The following SPACA7 variants were observed in gnomAD, a reference collection of about 807,000 sequenced individuals.
The protein encoded by SPACA7 is sperm acrosome associated 7.
In SPACA7, 19 loss-of-function variants were observed where a neutral mutation model predicts 26.3. That is an observed-to-expected ratio of 0.72 (90% CI 0.50 to 1.06). The LOEUF (loss-of-function observed/expected upper bound fraction) is 1.06, where lower values mean the gene tolerates loss of function less well. Among genes scored for constraint, SPACA7 ranks in the 50% least tolerant of loss-of-function variants. The pLI, the probability that SPACA7 is intolerant of heterozygous loss-of-function variation, is 0.00. For synonymous variants in SPACA7, 84 were observed against 84.5 expected (o/e 0.99, Z 0.04); for missense variants, 211 against 229.9 (o/e 0.92, Z 0.53).
intron 5 of SPACA7, among the ~76,000 whole-genome samples, chr13:112,431,614 G>A (rs924677103): frequency 2.0e-5 from 3 of 152,208 alleles, no homozygotes; most frequent in Non-Finnish European, 4.4e-5. Flanking sequence ...TGAGGGGTCA[G>A]GCCAGTCAAC....
intron 1 of SPACA7, among the ~76,000 whole-genome samples, chr13:112,377,073 A>G (rs144748679): frequency 1.3e-5 from 2 of 152,288 alleles, no homozygotes; most frequent in East Asian, 3.9e-4. Context: ...AGTGGGCTCA[A>G]CTCCAAATAC....
chr13:112,382,750 G>A (rs1884162422), intron 1 of SPACA7, among the ~76,000 whole-genome samples: 1 of 152,060 alleles, frequency 6.6e-6, no homozygotes, highest in Non-Finnish European at 1.5e-5. Flanking sequence ...CACTTTTGGA[G>A]ACTGAGGCAG....
chr13:112,402,565 G>A (rs1885716791), intron 5 of SPACA7, among the ~76,000 whole-genome samples: 1 of 152,192 alleles, frequency 6.6e-6, no homozygotes, highest in Non-Finnish European at 1.5e-5. Context: ...CCAGGATAAT[G>A]TTTAATAGTA....
intron 5 of SPACA7, among the ~76,000 whole-genome samples, chr13:112,426,280 G>A (rs1220781911): frequency 6.6e-6 from 1 of 152,188 alleles, no homozygotes; most frequent in East Asian, 1.9e-4. Context: ...GTTGATGTAA[G>A]ACCTGTTCTT....
At chr13:112,383,776 A>C (rs370930641) in intron 1 of SPACA7, among the ~76,000 whole-genome samples, 3 of 152,252 alleles carry the variant, frequency 2.0e-5, no homozygotes, top group East Asian at 3.8e-4. Context: ...TTTATAAGTT[A>C]ACTTTGATTC....
At chr13:112,386,831 A>C (rs1884559188) in intron 1 of SPACA7, among the ~76,000 whole-genome samples, 1 of 152,240 alleles carries the variant, frequency 6.6e-6, no homozygotes, top group Non-Finnish European at 1.5e-5. Context: ...CCAAGTGGCT[A>C]ATATTTTTAG....
intron 5 of SPACA7, among the ~76,000 whole-genome samples, chr13:112,415,990 C>T (rs1886666919): frequency 6.6e-6 from 1 of 152,006 alleles, no homozygotes; most frequent in African/African-American, 2.4e-5. Context: ...AGGTCCCACA[C>T]TCACTTCCCT....
chr13:112,404,111 GCCAC>G (rs1885823313), intron 5 of SPACA7, among the ~76,000 whole-genome samples: 1 of 152,026 alleles, frequency 6.6e-6, no homozygotes, highest in Non-Finnish European at 1.5e-5. Flanking sequence ...TTTGATTATG[GCCAC>G]TCTTGCAGGA....
intron 6 of SPACA7, among the ~76,000 whole-genome samples, chr13:112,432,895 C>T (rs1343978814): frequency 6.6e-6 from 1 of 152,206 alleles, no homozygotes; most frequent in Non-Finnish European, 1.5e-5. Context: ...GAAGGGCCCC[C>T]ACATCCCCTT....
chr13:112,377,160 T>C (rs1201326135), intron 1 of SPACA7, among the ~76,000 whole-genome samples: 1 of 152,178 alleles, frequency 6.6e-6, no homozygotes, highest in African/African-American at 2.4e-5. Context: ...GAGAATTCTT[T>C]GCTAAACTGA....
At chr13:112,419,422 A>C (rs1332181878) in intron 5 of SPACA7, among the ~76,000 whole-genome samples, 1 of 152,192 alleles carries the variant, frequency 6.6e-6, no homozygotes, top group Non-Finnish European at 1.5e-5. Flanking sequence ...GCATGTAGGG[A>C]ATGATCACCC....
At chr13:112,398,404 G>A (rs951155937) in intron 3 of SPACA7, among the ~76,000 whole-genome samples, 2 of 151,816 alleles carry the variant, frequency 1.3e-5, no homozygotes, top group Non-Finnish European at 2.9e-5. Context: ...TCTCGCCCTC[G>A]GGAGCCACTG....
intron 4 of SPACA7, among the ~76,000 whole-genome samples, chr13:112,400,823 G>A (rs911635259): frequency 1.3e-5 from 2 of 152,230 alleles, no homozygotes; most frequent in Non-Finnish European, 2.9e-5. Flanking sequence ...ATTATCTCCA[G>A]GGTCAATTCT....
chr13:112,382,995 A>C (rs1189064478), intron 1 of SPACA7, among the ~76,000 whole-genome samples: 4 of 150,960 alleles, frequency 2.6e-5, no homozygotes, highest in Admixed American at 6.6e-5. Flanking sequence ...GTCTAAAAAG[A>C]GAGAGAGAGA....
chr13:112,383,194 AAAAG>A (rs1313399501), intron 1 of SPACA7, among the ~76,000 whole-genome samples: 18 of 136,904 alleles, frequency 1.3e-4, no homozygotes, highest in African/African-American at 3.3e-4. Context: ...AGAAAGAAAG[AAAAG>A]AAAGAAAGAA....
rs535053596 is a variant in SPACA7, at chr13:112,392,092, G to A, written c.95-929G>A. On this transcript the variant is annotated intron_variant, in intron 1 of 6. Coordinates refer to ENST00000283550, the MANE Select transcript of SPACA7 (RefSeq NM_145248.5). ...GTGCACTCTGAAAGGGAAGGTGTGT[G>A]GCCCTGCTGAGCCCAACCTCGGGGC... is the stretch of plus-strand genomic sequence containing the variant. Among the ~76,000 whole-genome samples the A allele has an allele frequency of 9.1e-4, 138 of 152,316 alleles. 2 individuals carry two copies. The highest frequency in any genetic ancestry group is 3.3e-3 in the African/African-American group (136 of 41,576).
At chr13:112,417,042 G>A (rs1051792835) in intron 5 of SPACA7, among the ~76,000 whole-genome samples, 3 of 151,928 alleles carry the variant, frequency 2.0e-5, no homozygotes, top group South Asian at 2.1e-4. Flanking sequence ...GATAGAGAAC[G>A]CTGCTTCATT....
intron 4 of SPACA7, among the ~76,000 whole-genome samples, chr13:112,400,097 T>C (rs9604315): frequency 0.65 from 98,245 of 151,340 alleles, 32,134 homozygotes; most frequent in African/African-American, 0.75. Context: ...ACCATATCAC[T>C]GGGACACACA....
intron 5 of SPACA7, among the ~76,000 whole-genome samples, chr13:112,408,788 C>G (rs9550076): frequency 0.3 from 45,527 of 151,972 alleles, 7,757 homozygotes; most frequent in Middle Eastern, 0.4. Context: ...GGCCATACTG[C>G]CCAAGGTAAT....
Sources: gnomAD v4.1 joint callset for allele counts (sites outside exome capture counted in the v4.1 genomes callset) on GRCh38, gnomAD v4.1.1 for gene constraint, MANE v1.5 for transcripts, NCBI Gene and HGNC (gene_info 2026-07-23, HGNC 2026-07-21) for gene names.